ANKFN1: variants seen among roughly 807,000 people sequenced by gnomAD.
The protein encoded by ANKFN1 is ankyrin repeat and fibronectin type III domain containing 1.
A neutral mutation model predicts 108.7 loss-of-function variants in ANKFN1; 74 were observed. The observed-to-expected ratio is 0.68, with a 90% CI of 0.56 to 0.83. The LOEUF (loss-of-function observed/expected upper bound fraction) is 0.83, where lower values mean the gene tolerates loss of function less well. Among genes scored for constraint, ANKFN1 ranks in the 40% least tolerant of loss-of-function variants. The pLI is 0.00. For missense variants in ANKFN1, 1,505 were observed against 1,382.3 expected (o/e 1.09, Z -1.41); for synonymous variants, 547 against 516.2 (o/e 1.06, Z -0.81).
intron 4 of ANKFN1, among the ~76,000 whole-genome samples, chr17:56,344,215 C>G (rs2046036043): frequency 6.6e-6 from 1 of 151,904 alleles, no homozygotes; most frequent in African/African-American, 2.4e-5. Flanking sequence ...ACCCCTTCTC[C>G]CCAGTGTTCA....
At chr17:56,422,202 A>T (rs1282466337) in intron 8 of ANKFN1, among the ~76,000 whole-genome samples, 1 of 152,214 alleles carries the variant, frequency 6.6e-6, no homozygotes, top group Admixed American at 6.5e-5. Context: ...ACATGTTCAC[A>T]CTGCACCTTG....
intron 8 of ANKFN1, among the ~76,000 whole-genome samples, chr17:56,412,773 C>T (rs2048130806): frequency 1.3e-5 from 2 of 152,318 alleles, no homozygotes; most frequent in East Asian, 3.9e-4. Context: ...TATTGCACCT[C>T]AGCTTACAGA....
chr17:56,385,001 C>T (rs553072701), intron 8 of ANKFN1, among the ~76,000 whole-genome samples: 8,762 of 151,056 alleles, frequency 0.058, 286 homozygotes, highest in African/African-American at 0.078. Context: ...AAAAAGAGCC[C>T]GCATCGCCAA....
intron 6 of ANKFN1, among the ~76,000 whole-genome samples, chr17:56,364,379 G>T (rs560736503): frequency 6.6e-6 from 1 of 152,150 alleles, no homozygotes; most frequent in Admixed American, 6.5e-5. Flanking sequence ...GTAGCATTTT[G>T]GATATATCAA....
At chr17:56,340,961 G>A (rs1352071165) in intron 4 of ANKFN1, among the ~76,000 whole-genome samples, 1 of 152,042 alleles carries the variant, frequency 6.6e-6, no homozygotes, top group Non-Finnish European at 1.5e-5. Flanking sequence ...CCATTTGTTT[G>A]TGTCATCTCT....
At chr17:56,412,309 T>A (rs2048115506) in intron 8 of ANKFN1, among the ~76,000 whole-genome samples, 1 of 152,236 alleles carries the variant, frequency 6.6e-6, no homozygotes, top group Admixed American at 6.5e-5. Flanking sequence ...TTCTGTGGTA[T>A]CAGTTGTAAT....
chr17:56,303,864 T>G (rs2044742311), intron 3 of ANKFN1, among the ~76,000 whole-genome samples: 1 of 150,506 alleles, frequency 6.6e-6, no homozygotes, highest in Non-Finnish European at 1.5e-5. Flanking sequence ...TTTTTTTTTT[T>G]TTTTTGTAAT....
At chr17:56,275,248 A>G (rs1191447192) in intron 3 of ANKFN1, among the ~76,000 whole-genome samples, 1 of 152,242 alleles carries the variant, frequency 6.6e-6, no homozygotes, top group East Asian at 1.9e-4. Context: ...AAGAGGATTT[A>G]ACCCTGCTAA....
chr17:56,377,389 T>G (rs1470785838), intron 8 of ANKFN1, among the ~76,000 whole-genome samples: 1 of 152,210 alleles, frequency 6.6e-6, no homozygotes, highest in Non-Finnish European at 1.5e-5. Context: ...AACTCGGAGA[T>G]TAAAGGCATC....
intron 16 of ANKFN1, among the ~76,000 whole-genome samples, chr17:56,477,861 CTT>C (rs962044004): frequency 2.6e-5 from 4 of 151,982 alleles, no homozygotes; most frequent in African/African-American, 9.7e-5. Flanking sequence ...GAGTTTCACT[CTT>C]GTTACCCAGG....
intron 14 of ANKFN1, among the ~76,000 whole-genome samples, chr17:56,459,357 T>G (rs2049827005): frequency 6.6e-6 from 1 of 152,142 alleles, no homozygotes; most frequent in East Asian, 1.9e-4. Flanking sequence ...GTGATCCACC[T>G]GCCTCGGCCT....
chr17:56,395,093 A>C (rs185498071), intron 8 of ANKFN1, among the ~76,000 whole-genome samples: 265 of 152,274 alleles, frequency 1.7e-3, no homozygotes, highest in African/African-American at 5.7e-3. Flanking sequence ...CAATTTTTCC[A>C]ATTATAAAAA....
chr17:56,385,146 A>C (rs1367964135), intron 8 of ANKFN1, among the ~76,000 whole-genome samples: 1 of 151,660 alleles, frequency 6.6e-6, no homozygotes, highest in Non-Finnish European at 1.5e-5. Flanking sequence ...AACAGAACAG[A>C]GCCCTCAGAA....
At chr17:56,364,265 A>G (rs943061238) in intron 6 of ANKFN1, among the ~76,000 whole-genome samples, 4 of 152,162 alleles carry the variant, frequency 2.6e-5, no homozygotes, top group Non-Finnish European at 4.4e-5. Context: ...GTGCAAATGA[A>G]TAAGTGTTCT....
At chr17:56,244,952 CAT>C (rs1491233972) in intron 3 of ANKFN1, among the ~76,000 whole-genome samples, 4 of 152,106 alleles carry the variant, frequency 2.6e-5, no homozygotes, top group Admixed American at 6.6e-5. Context: ...CTAATTTCAA[CAT>C]ATGTTTCCCA....
intron 4 of ANKFN1, among the ~76,000 whole-genome samples, chr17:56,113,287 A>G (rs1906079104): frequency 6.6e-6 from 1 of 152,226 alleles, no homozygotes; most frequent in Non-Finnish European, 1.5e-5. Flanking sequence ...AAACCTTCAG[A>G]TGAAACAAAA....
At position 56,495,334 on chromosome 17, in the gene ANKFN1, T is replaced by TCTCTCTCA. The variant is rs1236641914; in HGVS notation, c.2427+2984_2427+2985insTCTCACTC. Among the ~76,000 whole-genome samples the TCTCTCTCA allele has an allele frequency of 5.3e-5, 8 of 151,666 alleles. No individual in the cohort carries two copies. In the East Asian group the frequency reaches 5.8e-4, roughly 11 times the overall value. ...TGTGGTCTCTCTCTCTCTCTCTCTCTCTCACTCACTCACTCACTCTGTCTC... is the reference window on the plus strand; with the variant it reads ...TGTGGTCTCTCTCTCTCTCTCTCTCTCTCTCTCACTCACTCACTCACTCACTCTGTCTC... On this transcript the variant is annotated intron_variant, in intron 19 of 20. Transcript: ENST00000682825.
intron 3 of ANKFN1, among the ~76,000 whole-genome samples, chr17:56,303,404 T>C (rs111549108): frequency 0.01 from 1,590 of 152,282 alleles, 11 homozygotes; most frequent in South Asian, 0.035. Context: ...CTGGAGTAAA[T>C]AGTATGTACA....
chr17:56,482,546 A>G (rs1008470777), intron 18 of ANKFN1, 22 bp downstream of exon 18: 13 of 1,606,724 alleles, frequency 8.1e-6, no homozygotes, highest in South Asian at 2.2e-5. Context: ...TGTTTCACCT[A>G]GAAATATTAA....
Sources: allele counts gnomAD v4.1 joint callset (sites outside exome capture counted in the v4.1 genomes callset), GRCh38; gene constraint gnomAD v4.1.1; transcripts MANE v1.5; gene names NCBI Gene and HGNC (gene_info 2026-07-23, HGNC 2026-07-21).